Variants in KLC1 observed in about 807,000 individuals in gnomAD.
The protein encoded by KLC1 is kinesin 2 60/70kDa.
Under a neutral mutation model 84.2 loss-of-function variants are expected in KLC1, and 30 were observed. The observed-to-expected ratio is 0.36, with a 90% CI of 0.27 to 0.48. KLC1 has a LOEUF of 0.48. KLC1 is among the 20% of genes least tolerant of loss of function. KLC1 has a pLI of 0.99. For missense variants in KLC1, 499 were observed against 805.4 expected, an observed-to-expected ratio of 0.62 and a Z score of 4.60; for synonymous variants, 289 against 293.3, an observed-to-expected ratio of 0.99 and a Z score of 0.15.
chr14:103,677,687 G>A (rs59843945), intron 12 of KLC1, among the ~76,000 whole-genome samples, 164 bp downstream of exon 12: 4,412 of 152,244 alleles, frequency 0.029, 222 homozygotes, highest in African/African-American at 0.1. Flanking sequence ...GGCCGGGCGT[G>A]GTGGTTCACA....
intron 1 of KLC1, among the ~76,000 whole-genome samples, chr14:103,633,275 T>G (rs898623332): frequency 6.6e-6 from 1 of 152,150 alleles, no homozygotes; most frequent in Non-Finnish European, 1.5e-5. Context: ...GCCAGGATGG[T>G]CTCCATCTCC....
At chr14:103,675,511 A>G (rs777191264) in intron 9 of KLC1, 41 bp from the exon 10 acceptor site, 60 of 1,576,302 alleles carry the variant, frequency 3.8e-5, no homozygotes, top group Non-Finnish European at 4.8e-5. Flanking sequence ...GGAGTTTTGG[A>G]TTAAGGATGC....
intron 13 of KLC1, among the ~76,000 whole-genome samples, chr14:103,680,414 A>C (rs1313784642): frequency 6.6e-6 from 1 of 152,090 alleles, no homozygotes; most frequent in African/African-American, 2.4e-5. Context: ...ATTAGTTATA[A>C]TTCTACAGAT....
chr14:103,673,669 A>G (rs2080612763), intron 9 of KLC1, among the ~76,000 whole-genome samples: 1 of 152,142 alleles, frequency 6.6e-6, no homozygotes, highest in Non-Finnish European at 1.5e-5. Context: ...CACGCCTGTA[A>G]TTCCAGCACT....
chr14:103,674,414 G>A (rs544673633), intron 9 of KLC1, among the ~76,000 whole-genome samples: 28 of 115,326 alleles, frequency 2.4e-4, no homozygotes, highest in African/African-American at 7.6e-4. Context: ...TCGTATGCTT[G>A]TTTTCTTTTT....
At chr14:103,659,212 G>C (rs908105958) in intron 3 of KLC1, among the ~76,000 whole-genome samples, 19 of 151,848 alleles carry the variant, frequency 1.3e-4, no homozygotes, top group African/African-American at 2.2e-4. Flanking sequence ...TCATCCCCCC[G>C]CCTCGGCCTC....
At chr14:103,658,271 C>CT (rs1465245146) in intron 3 of KLC1, among the ~76,000 whole-genome samples, 9 of 151,854 alleles carry the variant, frequency 5.9e-5, no homozygotes, top group East Asian at 1.9e-4. Context: ...TCTTCTTCTT[C>CT]TTTTTTTTAC....
Position 103,656,247 on chromosome 14 carries a change from C to G in KLC1, c.262-1299C>G, listed in dbSNP as rs78909314. Among the ~76,000 whole-genome samples the G allele has an allele frequency of 9.5e-4, 144 of 152,244 alleles. 3 individuals carry two copies. In the East Asian group the frequency reaches 0.02, roughly 21 times the overall value. On this transcript the variant is annotated intron_variant, in intron 2 of 16. Coordinates refer to ENST00000334553, the MANE Select transcript of KLC1 (RefSeq NM_001394837.1). ...TGGGAGACTGGGGAATGTTGTCTTC[C>G]CACTTACAGTGGCAGGTCCTTAAGC...
chr14:103,649,991 G>A (rs1046607601), intron 1 of KLC1, among the ~76,000 whole-genome samples: 1 of 152,114 alleles, frequency 6.6e-6, no homozygotes, highest in Non-Finnish European at 1.5e-5. Flanking sequence ...CACCGTGCCC[G>A]GCAGCTTCTT....
Position 103,693,337 on chromosome 14 carries a change from G to T in KLC1, c.1848+912G>T, listed in dbSNP as rs1429684894. ...CTTGAAGCACCCCTAATGACAAGAG[G>T]AAAGAAAGTCTCTTCATTTTACAGG... On this transcript the variant is annotated intron_variant, in intron 15 of 16. Transcript: ENST00000334553. The surrounding 1 kb of genome is among the most constrained non-coding windows in gnomAD (Gnocchi z 5.1). 6.6e-6 allele frequency among the ~76,000 whole-genome samples: 1 copy of T among 152,048 alleles called. No individual in the cohort carries two copies. Among genetic ancestry groups the T allele is most frequent in the Non-Finnish European group, 1.5e-5 (1 of 68,010 alleles).
chr14:103,679,135 C>G (rs1168290670), intron 12 of KLC1, among the ~76,000 whole-genome samples: 1 of 152,088 alleles, frequency 6.6e-6, no homozygotes, highest in Non-Finnish European at 1.5e-5. Flanking sequence ...GGTATAGACC[C>G]AGAATAGTTG....
chr14:103,638,704 C>G (rs2077242481), intron 1 of KLC1, among the ~76,000 whole-genome samples: 1 of 141,816 alleles, frequency 7.1e-6, no homozygotes, highest in Non-Finnish European at 1.5e-5. Flanking sequence ...CTCTGTCACC[C>G]AGGCTGGAGT....
intron 1 of KLC1, among the ~76,000 whole-genome samples, chr14:103,651,969 C>T (rs2078481238): frequency 6.6e-6 from 1 of 152,202 alleles, no homozygotes; most frequent in African/African-American, 2.4e-5. Flanking sequence ...GCTTGTGTAG[C>T]TTGTCTTCTG....
chr14:103,632,092 C>G (rs114752903), intron 1 of KLC1, among the ~76,000 whole-genome samples: 2,612 of 152,182 alleles, frequency 0.017, 66 homozygotes, highest in African/African-American at 0.056. Flanking sequence ...TCAGCGATAC[C>G]TTGATAAAAG....
At chr14:103,675,851 G>A in intron 11 of KLC1, 95 bp downstream of exon 11, 1 of 948,258 alleles carries the variant, frequency 1.1e-6, no homozygotes, top group East Asian at 2.4e-5. Flanking sequence ...AATGTGTAGT[G>A]TTCCTTAAGT....
rs2080997022 is a variant in KLC1 at position 103,677,430 on chromosome 14, C to G, written c.1395C>G (p.Thr465=). Residue 465 remains threonine (T), a synonymous_variant, in exon 12 of 17, where the codon ACC becomes ACG. Coordinates refer to ENST00000334553, the MANE Select transcript of KLC1 (RefSeq NM_001394837.1). ...TTTCTTACAGTCCAACTGTTACAACCACTCTAAAAAACCTTGGGGCACTTT... is the reference window on the plus strand; with the variant it reads ...TTTCTTACAGTCCAACTGTTACAACGACTCTAAAAAACCTTGGGGCACTTT... ...ACKVDSPTVT[T]TLKNLGALYR... is the part of the protein sequence containing the mutation. The G allele has an allele frequency of 6.2e-7, 1 of 1,611,022 alleles. No individual in the cohort carries two copies. Among genetic ancestry groups the G allele is most frequent in the African/African-American group, 1.3e-5 (1 of 74,814 alleles).
At chr14:103,633,095 T>TC (rs2076806109) in intron 1 of KLC1, among the ~76,000 whole-genome samples, 1 of 150,994 alleles carries the variant, frequency 6.6e-6, no homozygotes, top group African/African-American at 2.4e-5. Flanking sequence ...TCTTGCTCTG[T>TC]CACCCAGGCT....
chr14:103,629,672 C>T (rs1160760186), intron 1 of KLC1, among the ~76,000 whole-genome samples, 178 bp downstream of exon 1: 1 of 152,128 alleles, frequency 6.6e-6, no homozygotes, highest in Non-Finnish European at 1.5e-5. Flanking sequence ...GTTCACCGCC[C>T]CGGCCGGTCC....
intron 2 of KLC1, among the ~76,000 whole-genome samples, chr14:103,657,011 A>G (rs773750504): frequency 1.3e-5 from 2 of 152,178 alleles, no homozygotes; most frequent in South Asian, 4.2e-4. Context: ...TGACATAAAC[A>G]TAAGCTTATG....
Sources: gnomAD v4.1 joint callset for allele counts (sites outside exome capture counted in the v4.1 genomes callset) on GRCh38, gnomAD v4.1.1 for gene constraint, Gnocchi (gnomAD v3.1) non-coding constraint, MANE v1.5 for transcripts, NCBI Gene and HGNC (gene_info 2026-07-23, HGNC 2026-07-21) for gene names.